Variants in KCTD1 observed in about 807,000 individuals in gnomAD.
The protein encoded by KCTD1 is potassium channel tetramerization domain containing 1, also known as BTB/POZ domain-containing protein KCTD1.
In KCTD1, 24 loss-of-function variants were observed where a neutral mutation model predicts 66.0. The observed-to-expected ratio is 0.36, with a 90% CI of 0.26 to 0.51. The LOEUF is 0.51. KCTD1 is among the 20% of genes least tolerant of loss of function. The probability of loss-of-function intolerance (pLI) is 0.95; values close to 1 mark genes in which losing one functional copy is unlikely to be tolerated. For synonymous variants in KCTD1, 511 were observed against 517.2 expected (o/e 0.99, Z 0.16); for missense variants, 943 against 1,205.2 (o/e 0.78, Z 3.22).
intron 2 of KCTD1, among the ~76,000 whole-genome samples, chr18:26,477,047 C>T (rs1206287148): frequency 2.0e-5 from 3 of 152,266 alleles, no homozygotes; most frequent in East Asian, 3.9e-4. Flanking sequence ...ACTAAAAAAG[C>T]AATTTTGTTT....
intron 3 of KCTD1, among the ~76,000 whole-genome samples, chr18:26,466,902 C>T (rs1219867480): frequency 1.3e-5 from 2 of 152,112 alleles, no homozygotes; most frequent in Non-Finnish European, 1.5e-5. Context: ...CCACACAAAT[C>T]GAGATGGCAG....
At chr18:26,597,665 T>G (rs542219782) in intron 1 of KCTD1, among the ~76,000 whole-genome samples, 2 of 150,830 alleles carry the variant, frequency 1.3e-5, no homozygotes, top group South Asian at 2.1e-4. Flanking sequence ...GGTGTTTTTT[T>G]TTTTTTTTTT....
intron 3 of KCTD1, among the ~76,000 whole-genome samples, chr18:26,473,676 G>A (rs188086934): frequency 1.4e-4 from 21 of 152,162 alleles, no homozygotes; most frequent in Admixed American, 1.3e-3. Context: ...TTTTGCTTAG[G>A]AGCCATGTTG....
chr18:26,572,786 C>G (rs1275091182), intron 1 of KCTD1, among the ~76,000 whole-genome samples: 2 of 152,124 alleles, frequency 1.3e-5, no homozygotes, highest in Non-Finnish European at 2.9e-5. Context: ...GAGGAGCTCC[C>G]ATGTTTGTAG....
intron 1 of KCTD1, among the ~76,000 whole-genome samples, chr18:26,509,562 T>C (rs559191588): frequency 5.3e-5 from 8 of 152,210 alleles, no homozygotes; most frequent in Non-Finnish European, 1.2e-4. Flanking sequence ...GAAGTGGGAT[T>C]ACTGGTTTTC....
At chr18:26,503,200 TTA>T (rs1435534317) in intron 1 of KCTD1, among the ~76,000 whole-genome samples, 2 of 152,220 alleles carry the variant, frequency 1.3e-5, no homozygotes, top group East Asian at 1.9e-4. Context: ...ACATTATTCT[TTA>T]TATGTTTCTA....
intron 1 of KCTD1, among the ~76,000 whole-genome samples, chr18:26,519,315 T>C (rs1169377867): frequency 6.6e-6 from 1 of 152,226 alleles, no homozygotes; most frequent in Non-Finnish European, 1.5e-5. Flanking sequence ...CTAATCTCCA[T>C]GGCAAATATG....
chr18:26,496,079 C>T (rs1031766627), intron 2 of KCTD1, among the ~76,000 whole-genome samples: 1 of 151,970 alleles, frequency 6.6e-6, no homozygotes, highest in African/African-American at 2.4e-5. Context: ...AATATGGTAC[C>T]AATATTAATT....
intron 3 of KCTD1, among the ~76,000 whole-genome samples, chr18:26,475,223 CTTTT>C (rs1191945049): frequency 6.6e-6 from 1 of 152,108 alleles, no homozygotes; most frequent in African/African-American, 2.4e-5. Context: ...ACCAGAAATA[CTTTT>C]TTTTAGCTAT....
chr18:26,602,804 C>T (rs921808478), intron 1 of KCTD1, among the ~76,000 whole-genome samples: 5 of 152,114 alleles, frequency 3.3e-5, no homozygotes, highest in Non-Finnish European at 7.4e-5. Flanking sequence ...TGCTCACCTG[C>T]GAATAACAAA....
chr18:26,474,641 G>T (rs1394872205), intron 3 of KCTD1, among the ~76,000 whole-genome samples: 1 of 151,906 alleles, frequency 6.6e-6, no homozygotes, highest in East Asian at 1.9e-4. Flanking sequence ...TTTTCCACTG[G>T]GTTGTTTGTA....
chr18:26,646,956 C>G (rs1383922945), intron 1 of KCTD1, among the ~76,000 whole-genome samples: 1 of 152,160 alleles, frequency 6.6e-6, no homozygotes, highest in Non-Finnish European at 1.5e-5. Flanking sequence ...CTTTGTCTTT[C>G]ACTCACTCAA....
At chr18:26,618,821 C>T (rs779050086) in intron 1 of KCTD1, among the ~76,000 whole-genome samples, 4 of 152,080 alleles carry the variant, frequency 2.6e-5, no homozygotes, top group Admixed American at 6.5e-5. Flanking sequence ...GTGTTTCTAC[C>T]GATATTTGGA....
chr18:26,652,260 T>C (rs1568021607), intron 1 of KCTD1, among the ~76,000 whole-genome samples: 1 of 152,298 alleles, frequency 6.6e-6, no homozygotes, highest in East Asian at 1.9e-4. Flanking sequence ...CCCATTTTTA[T>C]AGAGAAAAAG....
chr18:26,567,956 T>G (rs916236966), intron 1 of KCTD1, among the ~76,000 whole-genome samples: 2 of 152,206 alleles, frequency 1.3e-5, no homozygotes, highest in Non-Finnish European at 2.9e-5. Flanking sequence ...AAATATTGTT[T>G]CGAAAGCAAA....
chr18:26,621,915 T>C (rs376970743), intron 1 of KCTD1, among the ~76,000 whole-genome samples: 3 of 152,328 alleles, frequency 2.0e-5, no homozygotes, highest in East Asian at 3.9e-4. Flanking sequence ...AAGAAGTTCA[T>C]GGATTTCTGA....
rs574220867 is a variant in KCTD1, at chr18:26,557,542, C to T, written c.-15-56292G>A. On this transcript the variant is annotated intron_variant, in intron 1 of 4. Transcript: ENST00000317932. ...AACTTGCTTAAAATATGCATATTCA[C>T]GGGTGCCAACTTCAGAGATTCTGAT... is the stretch of plus-strand genomic sequence containing the variant. 2.2e-3 allele frequency among the ~76,000 whole-genome samples: 335 copies of T among 152,266 alleles called. 4 individuals carry two copies. The highest frequency in any genetic ancestry group is 7.9e-3 in the African/African-American group (329 of 41,562).
chr18:26,557,648 T>G (rs1028004271), intron 1 of KCTD1, among the ~76,000 whole-genome samples: 5 of 152,156 alleles, frequency 3.3e-5, no homozygotes, highest in African/African-American at 1.2e-4. Context: ...ATGACCACAC[T>G]TCGAGAAACA....
At chr18:26,563,128 C>G (rs1985900066) in intron 1 of KCTD1, among the ~76,000 whole-genome samples, 2 of 152,178 alleles carry the variant, frequency 1.3e-5, no homozygotes, top group African/African-American at 2.4e-5. Flanking sequence ...CTCTCCAGTT[C>G]CAATGGCATC....
Sources: allele counts gnomAD v4.1 joint callset (sites outside exome capture counted in the v4.1 genomes callset), GRCh38; gene constraint gnomAD v4.1.1; transcripts MANE v1.5; gene names NCBI Gene and HGNC (gene_info 2026-07-23, HGNC 2026-07-21).